USH2A: variants seen among roughly 807,000 people sequenced by gnomAD.
USH2A encodes usherin.
In USH2A, 443 loss-of-function variants were observed where a neutral mutation model predicts 538.9. That is an observed-to-expected ratio of 0.82 (90% CI 0.76 to 0.89). The LOEUF is 0.89. Ranked by LOEUF, USH2A falls within the 40% of genes least tolerant of loss-of-function variation. The probability of loss-of-function intolerance (pLI) is 0.00; values close to 1 mark genes in which losing one functional copy is unlikely to be tolerated. For missense variants in USH2A, 6,633 were observed against 6,324.8 expected (o/e 1.05, Z -1.65); for synonymous variants, 2,413 against 2,273.5 (o/e 1.06, Z -1.75).
chr1:215,760,178 T>C (rs1660938410), intron 56 of USH2A, among the ~76,000 whole-genome samples: 1 of 152,180 alleles, frequency 6.6e-6, no homozygotes, highest in African/African-American at 2.4e-5. Flanking sequence ...TATGTGAAAG[T>C]AAGCATAATC....
chr1:215,633,252 G>A (rs1321392191), intron 70 of USH2A, among the ~76,000 whole-genome samples: 1 of 152,198 alleles, frequency 6.6e-6, no homozygotes, highest in Non-Finnish European at 1.5e-5. Flanking sequence ...GAGGCTCCGA[G>A]GAGGATGAGT....
At chr1:215,937,796 AT>A (rs1285264697) in intron 37 of USH2A, among the ~76,000 whole-genome samples, 2 of 152,162 alleles carry the variant, frequency 1.3e-5, no homozygotes, top group African/African-American at 4.8e-5. Context: ...TGAGAATATA[AT>A]TTTACAAATT....
chr1:216,252,761 T>C (rs751924486), intron 11 of USH2A, among the ~76,000 whole-genome samples: 6 of 152,192 alleles, frequency 3.9e-5, no homozygotes, highest in Non-Finnish European at 5.9e-5. Flanking sequence ...CTCAGTCTTA[T>C]TCAGATCTAG....
chr1:216,349,957 A>G (rs2038248589), intron 4 of USH2A, among the ~76,000 whole-genome samples: 1 of 152,184 alleles, frequency 6.6e-6, no homozygotes, highest in Non-Finnish European at 1.5e-5. Flanking sequence ...AAAGAGGGTT[A>G]GTTGACTCAT....
intron 16 of USH2A, chr1:216,201,700 C>G (rs1415724519): frequency 4.7e-6 from 1 of 210,630 alleles, no homozygotes. Context: ...TGGGGGGCAC[C>G]TTGGGCACTG....
Position 215,995,726 on chromosome 1 carries a change from G to T in USH2A, c.6658-2559C>A, listed in dbSNP as rs116351224. On this transcript the variant is annotated intron_variant, in intron 34 of 71. Transcript: ENST00000307340. ...ATTAAAATAAGTTGTTTTAACCATC[G>T]CCTATAGCTTTTCTCAGTTACAGCC... 2.6e-5 allele frequency among the ~76,000 whole-genome samples: 4 copies of T among 152,224 alleles called. No homozygotes were observed. The East Asian group carries it at 7.7e-4, about 29-fold the overall frequency.
chr1:215,947,763 G>A (rs547576365), intron 37 of USH2A, among the ~76,000 whole-genome samples: 14 of 152,116 alleles, frequency 9.2e-5, no homozygotes, highest in South Asian at 4.1e-4. Context: ...ATTTATCTCC[G>A]CTGGCATAAA....
chr1:216,159,769 C>A (rs1192537402), intron 21 of USH2A, among the ~76,000 whole-genome samples: 2 of 152,002 alleles, frequency 1.3e-5, no homozygotes, highest in Non-Finnish European at 2.9e-5. Context: ...TGAAATCCAC[C>A]AATCGGGCCA....
At chr1:216,095,462 G>T (rs1435470763) in intron 22 of USH2A, among the ~76,000 whole-genome samples, 1 of 152,038 alleles carries the variant, frequency 6.6e-6, no homozygotes, top group African/African-American at 2.4e-5. Flanking sequence ...CTTGCCTTCT[G>T]CGATAGCTGC....
intron 26 of USH2A, 152 bp downstream of exon 26, chr1:216,083,304 G>T: frequency 2.7e-6 from 2 of 745,752 alleles, no homozygotes; most frequent in Non-Finnish European, 4.2e-6. Flanking sequence ...ATGTTTCACA[G>T]GACTTCAAAA....
At chr1:216,272,624 T>A (rs2036594176) in intron 11 of USH2A, among the ~76,000 whole-genome samples, 1 of 152,104 alleles carries the variant, frequency 6.6e-6, no homozygotes, top group African/African-American at 2.4e-5. Context: ...TTGCTATTCA[T>A]CCCTGCTCAT....
intron 63 of USH2A, among the ~76,000 whole-genome samples, chr1:215,673,029 C>G (rs1480583108): frequency 1.3e-5 from 2 of 152,134 alleles, no homozygotes; most frequent in African/African-American, 4.8e-5. Flanking sequence ...GGAAGCCAGT[C>G]TAGAATATAC....
intron 4 of USH2A, among the ~76,000 whole-genome samples, chr1:216,348,307 A>G (rs1191296477): frequency 6.6e-6 from 1 of 152,162 alleles, no homozygotes; most frequent in Non-Finnish European, 1.5e-5. Flanking sequence ...CTTTCCTTTA[A>G]GGAATCAATC....
intron 40 of USH2A, among the ~76,000 whole-genome samples, chr1:215,897,553 G>T (rs1174317568): frequency 6.6e-6 from 1 of 151,968 alleles, no homozygotes; most frequent in Non-Finnish European, 1.5e-5. Flanking sequence ...GCTGGGTGTG[G>T]TGGTGGGCAT....
rs1478019016 is a variant in USH2A, at chr1:215,888,775, T to G, written c.7874A>C (p.Glu2625Ala). Residue 2625 changes from glutamate to alanine, a missense_variant, in exon 41 of 72, where the codon GAA (glutamate) becomes GCA (alanine). Physicochemically the swap from Glu to Ala is moderately radical, Grantham distance 107. Transcript: ENST00000307340. ...GAACAGCTCTGGACTTGGGATCCCT[T>G]CCGGTGCCCCTGGGAGTGTCCATAC... ...QTVWTLPGAP[E>A]GIPSPELFSD... 2 of 1,614,084 alleles carry G rather than the reference T, an allele frequency of 1.2e-6. No individual in the cohort carries two copies. The highest frequency in any genetic ancestry group is 3.3e-5 in the Admixed American group (2 of 60,008).
Position 215,855,769 on chromosome 1 carries a change from C to A in USH2A, c.8846-9736G>T, listed in dbSNP as rs560522694. Among the ~76,000 whole-genome samples the A allele has an allele frequency of 7.2e-4, 109 of 152,210 alleles. 1 individual carries two copies. The highest frequency in any genetic ancestry group is 2.6e-3 in the African/African-American group (106 of 41,538). On this transcript the variant is annotated intron_variant, in intron 44 of 71. Transcript: ENST00000307340. ...AAGGACAAATCTGGAGGTAACACAT[C>A]ACCTGACCTCAAACTATACTAAAAG...
chr1:215,907,710 A>C (rs186879529), intron 38 of USH2A, among the ~76,000 whole-genome samples: 102 of 152,144 alleles, frequency 6.7e-4, no homozygotes, highest in Non-Finnish European at 9.7e-4. Context: ...TACCAGATTA[A>C]TTATTTTCTA....
chr1:215,694,573 AAAAC>A (rs138149307), intron 61 of USH2A, among the ~76,000 whole-genome samples: 3,652 of 152,328 alleles, frequency 0.024, 103 homozygotes, highest in East Asian at 0.1. Flanking sequence ...ACTCCATCTC[AAAAC>A]AAACAAACAA....
chr1:216,391,713 C>A (rs1253535325), intron 3 of USH2A, among the ~76,000 whole-genome samples: 1 of 152,156 alleles, frequency 6.6e-6, no homozygotes, highest in Non-Finnish European at 1.5e-5. Flanking sequence ...ATAAACTCTG[C>A]ATTTTACCAA....
Sources: allele counts gnomAD v4.1 joint callset (sites outside exome capture counted in the v4.1 genomes callset), GRCh38; gene constraint gnomAD v4.1.1; transcripts MANE v1.5; gene names NCBI Gene and HGNC (gene_info 2026-07-23, HGNC 2026-07-21).